The following ERAP1 variants were observed in gnomAD, a reference collection of about 807,000 sequenced individuals.
The protein encoded by ERAP1 is adipocyte-derived leucine aminopeptidase.
Under a neutral mutation model 103.7 loss-of-function variants are expected in ERAP1, and 86 were observed. The ratio of observed to expected loss-of-function variants is 0.83; its 90% CI spans 0.70 to 0.99. The LOEUF (loss-of-function observed/expected upper bound fraction) is 0.99. Among genes scored for constraint, ERAP1 ranks in the 50% least tolerant of loss-of-function variants. The pLI, the probability that ERAP1 is intolerant of heterozygous loss-of-function variation, is 0.00. For synonymous variants in ERAP1, 398 were observed against 402.4 expected (o/e 0.99, Z 0.13); for missense variants, 1,009 against 1,128.4 (o/e 0.89, Z 1.52).
chr5:96,931,076 G>A, the ERAP1 span, among the ~76,000 whole-genome samples: 3 of 152,084 alleles, frequency 2.0e-5, no homozygotes, highest in Non-Finnish European at 4.4e-5. Context: ...CAACAAGGCT[G>A]TAAATCAATT....
chr5:96,768,301 C>T, intron 19 of ERAP1: 1 of 410,964 alleles, frequency 2.4e-6, no homozygotes, highest in Non-Finnish European at 4.6e-6. Context: ...CCAGGCTGGT[C>T]TCGAGCTCTT....
At chr5:96,879,775 C>G in the ERAP1 span, 1 of 1,614,172 alleles carries the variant, frequency 6.2e-7, no homozygotes, top group Non-Finnish European at 8.5e-7. Context: ...CCATCTTGCC[C>G]CAAATATGCA....
the ERAP1 span, chr5:96,900,165 G>A: frequency 1.8e-5 from 29 of 1,613,696 alleles, no homozygotes; most frequent in East Asian, 4.5e-5. Context: ...TTTGTCATTC[G>A]GATCCCAAGA....
At chr5:96,915,181 T>C in the ERAP1 span, among the ~76,000 whole-genome samples, 5 of 152,116 alleles carry the variant, frequency 3.3e-5, no homozygotes, top group Admixed American at 2.0e-4. Flanking sequence ...CTAATTTTTT[T>C]GTATTTTAGT....
chr5:96,873,262 C>T, the ERAP1 span: 204 of 416,876 alleles, frequency 4.9e-4, 2 homozygotes, highest in South Asian at 1.9e-3. Context: ...TTGGAAAATT[C>T]ACTGTTAACT....
At chr5:96,895,554 A>G in the ERAP1 span, among the ~76,000 whole-genome samples, 1 of 152,200 alleles carries the variant, frequency 6.6e-6, no homozygotes, top group East Asian at 1.9e-4. Context: ...ATCAACATAA[A>G]TCTGTCACCC....
At chr5:96,764,395 G>T (rs1262728026) in intron 19 of ERAP1, among the ~76,000 whole-genome samples, 1 of 152,128 alleles carries the variant, frequency 6.6e-6, no homozygotes, top group Non-Finnish European at 1.5e-5. Context: ...GAGGAAATAA[G>T]CTATCTTAGT....
At chr5:96,773,829 A>C (rs77297072), downstream of ERAP1, 1,108 of 152,418 alleles carry the variant, frequency 7.3e-3, 4 homozygotes, top group Non-Finnish European at 0.011. Context: ...TTGGGAATTT[A>C]TTGTTTCCAA....
At chr5:96,776,760 TTTTG>T in intron 18 of ERAP1, 1 of 512,184 alleles carries the variant, frequency 2.0e-6, no homozygotes, top group Non-Finnish European at 3.4e-6. Context: ...TCTGCAGTTC[TTTTG>T]TTTATTCTCA....
the ERAP1 span, among the ~76,000 whole-genome samples, chr5:96,879,259 C>T: frequency 6.6e-6 from 1 of 152,170 alleles, no homozygotes; most frequent in African/African-American, 2.4e-5. Flanking sequence ...TAAAATATAA[C>T]CAAATGTTAA....
the ERAP1 span, chr5:96,886,861 T>C: frequency 6.4e-6 from 8 of 1,251,376 alleles, no homozygotes; most frequent in Non-Finnish European, 8.3e-6. Flanking sequence ...TGTTTTCTCA[T>C]GTTTTTCATT....
intron 1 of ERAP1, among the ~76,000 whole-genome samples, chr5:96,806,754 A>G (rs1778649071): frequency 2.0e-5 from 3 of 151,450 alleles, no homozygotes; most frequent in African/African-American, 7.3e-5. Flanking sequence ...AGTATATGAA[A>G]TAGATCATCA....
the ERAP1 span, among the ~76,000 whole-genome samples, chr5:96,823,958 T>C: frequency 6.6e-6 from 1 of 152,222 alleles, no homozygotes; most frequent in Non-Finnish European, 1.5e-5. Flanking sequence ...GTGGATCTGA[T>C]AACCACAAAG....
the ERAP1 span, among the ~76,000 whole-genome samples, chr5:96,901,028 T>C: frequency 6.6e-6 from 1 of 152,196 alleles, no homozygotes; most frequent in South Asian, 2.1e-4. Flanking sequence ...ATACTAGCAG[T>C]GCAGCAGCCA....
the ERAP1 span, among the ~76,000 whole-genome samples, chr5:96,833,375 A>G: frequency 6.6e-6 from 1 of 152,304 alleles, no homozygotes; most frequent in East Asian, 1.9e-4. Context: ...TCATATAAAT[A>G]TTTCTCAACA....
At chr5:96,891,385 A>G in the ERAP1 span, among the ~76,000 whole-genome samples, 81,155 of 148,418 alleles carry the variant, frequency 0.55, 22,154 homozygotes, top group Middle Eastern at 0.6. Context: ...ATATATATAT[A>G]TGTGTATACA....
At chr5:96,781,982 A>G (rs915653652) in intron 15 of ERAP1, 128 bp from the exon 16 acceptor site, 10 of 906,044 alleles carry the variant, frequency 1.1e-5, no homozygotes, top group Non-Finnish European at 1.7e-5. Context: ...AATATAAACA[A>G]AAACTACTGA....
chr5:96,780,338 C>G (rs1439504944), intron 18 of ERAP1, 85 bp downstream of exon 18: 4 of 974,936 alleles, frequency 4.1e-6, no homozygotes, highest in Non-Finnish European at 1.5e-6. Flanking sequence ...ACTCACCACA[C>G]CCTCAAAGTA....
At chr5:96,813,121 C>T in the ERAP1 span, among the ~76,000 whole-genome samples, 3 of 152,136 alleles carry the variant, frequency 2.0e-5, no homozygotes, top group Non-Finnish European at 4.4e-5. Flanking sequence ...GGAATGCTGA[C>T]TTTATCTGTC....
Sources: gnomAD v4.1 joint callset for allele counts (sites outside exome capture counted in the v4.1 genomes callset) on GRCh38, gnomAD v4.1.1 for gene constraint, MANE v1.5 for transcripts, NCBI Gene and HGNC (gene_info 2026-07-23, HGNC 2026-07-21) for gene names.